Variants in CFAP54 observed in about 807,000 individuals in gnomAD.
The protein encoded by CFAP54 is cilia and flagella associated protein 54.
Under a neutral mutation model 370.4 loss-of-function variants are expected in CFAP54, and 290 were observed. That is an observed-to-expected ratio of 0.78 (90% CI 0.71 to 0.86). CFAP54 has a LOEUF of 0.86. Among genes scored for constraint, CFAP54 ranks in the 40% least tolerant of loss-of-function variants. The pLI, the probability that CFAP54 is intolerant of heterozygous loss-of-function variation, is 0.00. For missense variants in CFAP54, 3,399 were observed against 3,528.7 expected, an observed-to-expected ratio of 0.96 and a Z score of 0.93; for synonymous variants, 1,206 against 1,236.5, an observed-to-expected ratio of 0.98 and a Z score of 0.52.
intron 39 of CFAP54, 88 bp downstream of exon 39, chr12:96,664,020 A>T (rs1217936193): frequency 2.2e-5 from 21 of 962,168 alleles, no homozygotes; most frequent in Non-Finnish European, 3.2e-5. Context: ...CATAATTAGT[A>T]TGTTTGTAAA....
chr12:96,629,717 A>T (rs957325346), intron 30 of CFAP54, among the ~76,000 whole-genome samples: 1 of 152,208 alleles, frequency 6.6e-6, no homozygotes, highest in African/African-American at 2.4e-5. Context: ...TGCAAAGAAC[A>T]TTCTTATACA....
chr12:96,757,690 G>A (rs1269816401), intron 58 of CFAP54, 102 bp downstream of exon 58: 1 of 562,814 alleles, frequency 1.8e-6, no homozygotes, highest in Non-Finnish European at 3.0e-6. Context: ...TTCCTGTGTG[G>A]CTTGGAGAAA....
intron 33 of CFAP54, among the ~76,000 whole-genome samples, chr12:96,644,736 C>G (rs1011115591): frequency 6.6e-6 from 1 of 152,088 alleles, no homozygotes. Context: ...GCTCATAAAA[C>G]GATCAGATCT....
In CFAP54 at chr12:96,757,495, A is replaced by G; in HGVS notation, c.7947A>G (p.Gly2649=). Residue 2649 remains glycine, a splice_region_variant and synonymous_variant, in exon 58 of 68, where the codon GGA becomes GGG. Coordinates refer to ENST00000524981, the MANE Select transcript of CFAP54 (RefSeq NM_001306084.2). The part of the protein sequence containing the change: ...QLSLKNDQNS[G]LIRDSYLEMA... ...TAAGTACAGTGCTATATCATTTTAG[A>G]TTGATAAGAGACTCCTACCTAGAAA... The G allele has an allele frequency of 6.5e-7, 1 of 1,546,694 alleles. No individual in the cohort carries two copies. Among genetic ancestry groups the G allele is most frequent in the African/African-American group, 1.4e-5 (1 of 73,572 alleles).
At chr12:96,513,114 A>C (rs1353954026) in intron 5 of CFAP54, 70 bp downstream of exon 5, 1 of 783,234 alleles carries the variant, frequency 1.3e-6, no homozygotes, top group Non-Finnish European at 1.9e-6. Context: ...CTTTCATTAC[A>C]CAGTATATTG....
intron 66 of CFAP54, among the ~76,000 whole-genome samples, chr12:96,850,573 A>G (rs945491980): frequency 6.6e-6 from 1 of 151,982 alleles, no homozygotes; most frequent in African/African-American, 2.4e-5. Flanking sequence ...CCTGGCTCTG[A>G]TACTAAATAG....
intron 50 of CFAP54, among the ~76,000 whole-genome samples, chr12:96,726,917 CT>C (rs1268896194): frequency 3.3e-5 from 5 of 152,030 alleles, no homozygotes; most frequent in Non-Finnish European, 7.4e-5. Flanking sequence ...TTATTTCTGC[CT>C]TCATTTCGTT....
chr12:96,755,198 A>G (rs1046522447), intron 56 of CFAP54, among the ~76,000 whole-genome samples: 4 of 152,142 alleles, frequency 2.6e-5, no homozygotes, highest in African/African-American at 9.7e-5. Context: ...TAAAATTTTA[A>G]AAGTGTTTTC....
rs576236052 is a variant in CFAP54, at chr12:96,713,489, G to A, written c.6724+4686G>A. On this transcript the variant is annotated intron_variant, in intron 48 of 67. Coordinates refer to ENST00000524981, the MANE Select transcript of CFAP54 (RefSeq NM_001306084.2). Reference sequence around the variant, plus strand: ...CCTGGCTTCCTGTGTTAATAAAATAGTTAATTTGATTTTATAACTGAAAAC... The same window carrying A: ...CCTGGCTTCCTGTGTTAATAAAATAATTAATTTGATTTTATAACTGAAAAC... Among the ~76,000 whole-genome samples the A allele has an allele frequency of 9.9e-5, 15 of 152,218 alleles. No homozygotes were observed. The East Asian group carries it at 2.9e-3, about 29-fold the overall frequency.
chr12:96,810,550 G>A (rs1958920041), intron 63 of CFAP54, among the ~76,000 whole-genome samples: 1 of 152,124 alleles, frequency 6.6e-6, no homozygotes, highest in Non-Finnish European at 1.5e-5. Flanking sequence ...TTAGTAATGT[G>A]TATAAGCACA....
At chr12:96,649,745 A>G (rs905004727) in intron 34 of CFAP54, 146 bp from the exon 35 acceptor site, 8 of 527,174 alleles carry the variant, frequency 1.5e-5, no homozygotes, top group East Asian at 6.5e-5. Context: ...TCCCTGGTTC[A>G]TTGTATCTCT....
At chr12:96,561,539 C>T (rs916044259) in intron 17 of CFAP54, among the ~76,000 whole-genome samples, 2 of 151,934 alleles carry the variant, frequency 1.3e-5, no homozygotes, top group African/African-American at 2.4e-5. Flanking sequence ...TATTCTTGAC[C>T]TATCTTTTGC....
At position 96,840,424 on chromosome 12, in the gene CFAP54, T is replaced by C. The variant is rs1033577646; in HGVS notation, c.9171+11336T>C. 2.0e-5 allele frequency among the ~76,000 whole-genome samples: 3 copies of C among 152,298 alleles called. No individual in the cohort carries two copies. In the South Asian group the frequency reaches 6.2e-4, roughly 32 times the overall value. Reference sequence around the variant, plus strand: ...ATTTAATATCCATTGGCAAATTTTATTACATTACTGTATGATCCTTGATTT... The same window carrying C: ...ATTTAATATCCATTGGCAAATTTTACTACATTACTGTATGATCCTTGATTT... On this transcript the variant is annotated intron_variant, in intron 66 of 67. Transcript: ENST00000524981.
intron 17 of CFAP54, among the ~76,000 whole-genome samples, chr12:96,555,419 C>G (rs1360936721): frequency 2.0e-5 from 3 of 151,496 alleles, no homozygotes; most frequent in Admixed American, 6.6e-5. Context: ...ACTGAGAATT[C>G]TAGCCAATGC....
chr12:96,679,486 AT>A (rs1957246857), intron 39 of CFAP54, 113 bp from the exon 40 acceptor site: 1 of 1,148,028 alleles, frequency 8.7e-7, no homozygotes, highest in Non-Finnish European at 1.2e-6. Context: ...GGGGCTTTGA[AT>A]TTAGCGGCTT....
At chr12:96,747,932 T>G (rs984980660) in intron 55 of CFAP54, among the ~76,000 whole-genome samples, 1 of 152,250 alleles carries the variant, frequency 6.6e-6, no homozygotes, top group Admixed American at 6.5e-5. Context: ...AGTTTCTTTA[T>G]CTTTGTCAGT....
chr12:96,842,567 T>A (rs1003475005), intron 66 of CFAP54, among the ~76,000 whole-genome samples: 1 of 152,198 alleles, frequency 6.6e-6, no homozygotes, highest in Non-Finnish European at 1.5e-5. Context: ...CTAAATTCTG[T>A]GGAGAGCCAT....
intron 3 of CFAP54, among the ~76,000 whole-genome samples, chr12:96,505,353 T>C (rs1955088088): frequency 6.6e-6 from 1 of 152,090 alleles, no homozygotes; most frequent in African/African-American, 2.4e-5. Flanking sequence ...TGAGCCACCG[T>C]GCCTGGCCAA....
At chr12:96,570,058 C>T (rs1037889670) in intron 19 of CFAP54, among the ~76,000 whole-genome samples, 5 of 152,036 alleles carry the variant, frequency 3.3e-5, no homozygotes, top group South Asian at 2.1e-4. Flanking sequence ...CTCACTGCAG[C>T]CTCGACCTCC....
Sources: gnomAD v4.1 joint callset for allele counts (sites outside exome capture counted in the v4.1 genomes callset) on GRCh38, gnomAD v4.1.1 for gene constraint, MANE v1.5 for transcripts, NCBI Gene and HGNC (gene_info 2026-07-23, HGNC 2026-07-21) for gene names.